Variants in ALX1 observed in about 807,000 individuals in gnomAD.
ALX1 encodes ALX homeobox 1.
A neutral mutation model predicts 31.7 loss-of-function variants in ALX1; 19 were observed. The ratio of observed to expected loss-of-function variants is 0.60; its 90% confidence interval spans 0.42 to 0.88. The LOEUF is 0.88. Ranked by LOEUF, ALX1 falls within the 40% of genes least tolerant of loss-of-function variation. The probability of loss-of-function intolerance (pLI) is 0.00; values close to 1 mark genes in which losing one functional copy is unlikely to be tolerated. For synonymous variants in ALX1, 153 were observed against 148.8 expected (o/e 1.03, Z -0.20); for missense variants, 415 against 407.8 (o/e 1.02, Z -0.15).
rs1401337036 is a variant in ALX1 at position 85,301,225 on chromosome 12, A to G, written c.731A>G (p.Asp244Gly). Reference sequence around the variant, plus strand: ...GTTACTTCATGCATGTTACCACGTGACACTTCCTCCTGTATGACACCTTAT... The same window carrying G: ...GTTACTTCATGCATGTTACCACGTGGCACTTCCTCCTGTATGACACCTTAT... ...SVVTSCMLPR[D>G]TSSCMTPYSH... Residue 244 changes from aspartate to glycine, a missense_variant, in exon 4 of 4, where the codon GAC (aspartate) becomes GGC (glycine). Around this residue, in one of 3 missense-constraint regions of ALX1, gnomAD observed 174 missense variants for 177.5 expected, o/e 0.98. Coordinates refer to ENST00000316824, the MANE Select transcript of ALX1 (RefSeq NM_006982.3). The G allele has an allele frequency of 1.2e-6, 2 of 1,614,038 alleles. No homozygotes were observed. Among genetic ancestry groups the G allele is most frequent in the Non-Finnish European group, 1.7e-6 (2 of 1,179,954 alleles).
intron 3 of ALX1, among the ~76,000 whole-genome samples, chr12:85,289,957 G>C (rs1341651056): frequency 6.6e-6 from 1 of 150,822 alleles, no homozygotes; most frequent in Non-Finnish European, 1.5e-5. Context: ...CATTGGATTT[G>C]GTGACTGTTA....
chr12:85,301,011 A>T, intron 3 of ALX1, 144 bp from the exon 4 acceptor site: 1 of 753,922 alleles, frequency 1.3e-6, no homozygotes, highest in Non-Finnish European at 2.2e-6. Flanking sequence ...ATTATTTTTT[A>T]GTCATTGTTG....
chr12:85,283,485 G>T (rs1896706481), intron 1 of ALX1, 87 bp from the exon 2 acceptor site: 2 of 1,386,858 alleles, frequency 1.4e-6, no homozygotes, highest in Non-Finnish European at 2.0e-6. Flanking sequence ...CCAATTTCTT[G>T]ATACTCTCAA....
In ALX1 at chr12:85,289,056, CTT is replaced by C. The variant is rs551226737; in HGVS notation, c.660+2080_660+2081del. ...ATTCCACAACACTTGACTATGACTA[CTT>C]TTTTGTGCATTTTATTCTTTCAGTC... On this transcript the variant is annotated intron_variant, in intron 3 of 3. Transcript: ENST00000316824. Among the ~76,000 whole-genome samples, 193 of 151,430 alleles carry C rather than the reference CTT, an allele frequency of 1.3e-3. 1 individual carries two copies. Among genetic ancestry groups the C allele is most frequent in the African/African-American group, 4.5e-3 (185 of 41,446 alleles).
At chr12:85,281,175 C>A (rs1896668523) in intron 1 of ALX1, among the ~76,000 whole-genome samples, 1 of 152,144 alleles carries the variant, frequency 6.6e-6, no homozygotes, top group Non-Finnish European at 1.5e-5. Flanking sequence ...CCGGCCTAAT[C>A]ACTCATTCCC....
intron 3 of ALX1, among the ~76,000 whole-genome samples, chr12:85,300,258 G>T (rs1192459256): frequency 6.6e-6 from 1 of 151,860 alleles, no homozygotes; most frequent in Non-Finnish European, 1.5e-5. Flanking sequence ...AGATAAATTT[G>T]TACTTGTTAA....
At chr12:85,296,222 T>C (rs779530457) in intron 3 of ALX1, among the ~76,000 whole-genome samples, 1 of 151,460 alleles carries the variant, frequency 6.6e-6, no homozygotes, top group Non-Finnish European at 1.5e-5. Flanking sequence ...AGGTAAAAAA[T>C]AAATAATTTT....
chr12:85,284,455 A>G (rs1466553703), intron 2 of ALX1, among the ~76,000 whole-genome samples: 1 of 152,070 alleles, frequency 6.6e-6, no homozygotes, highest in Non-Finnish European at 1.5e-5. Flanking sequence ...TTATAGTCCT[A>G]GTAGTTGTCA....
chr12:85,286,597 G>T (rs1427967133), intron 2 of ALX1, among the ~76,000 whole-genome samples: 1 of 151,860 alleles, frequency 6.6e-6, no homozygotes, highest in Non-Finnish European at 1.5e-5. Context: ...GAAAACAGAG[G>T]CTCAGACGTA....
chr12:85,295,960 T>C (rs1335290040), intron 3 of ALX1, among the ~76,000 whole-genome samples: 1 of 151,668 alleles, frequency 6.6e-6, no homozygotes, highest in Non-Finnish European at 1.5e-5. Flanking sequence ...TTCTTCTAAA[T>C]AGCACTAATA....
intron 3 of ALX1, among the ~76,000 whole-genome samples, chr12:85,289,379 ATAT>A (rs1896788036): frequency 6.6e-6 from 1 of 151,244 alleles, no homozygotes; most frequent in African/African-American, 2.4e-5. Context: ...AAAGCTTTAT[ATAT>A]TATTAATTAA....
chr12:85,283,132 A>G (rs1158810854), intron 1 of ALX1, among the ~76,000 whole-genome samples: 17 of 152,212 alleles, frequency 1.1e-4, no homozygotes, highest in Admixed American at 1.1e-3. Flanking sequence ...GTACAGAGGT[A>G]TTATTTAAGA....
At chr12:85,284,502 A>G (rs561941168) in intron 2 of ALX1, among the ~76,000 whole-genome samples, 1 of 152,266 alleles carries the variant, frequency 6.6e-6, no homozygotes, top group Admixed American at 6.5e-5. Flanking sequence ...TAAAGTCTAG[A>G]TAAATCATAT....
At chr12:85,283,491 C>G (rs1896706670) in intron 1 of ALX1, 81 bp from the exon 2 acceptor site, 2 of 1,442,506 alleles carry the variant, frequency 1.4e-6, no homozygotes, top group Non-Finnish European at 9.7e-7. Flanking sequence ...TCTTGATACT[C>G]TCAATTACTT....
chr12:85,292,486 C>A (rs546804633), intron 3 of ALX1, among the ~76,000 whole-genome samples: 4 of 150,872 alleles, frequency 2.7e-5, no homozygotes, highest in African/African-American at 4.8e-5. Context: ...TCTTGTCTTC[C>A]GTTGTATTAT....
intron 1 of ALX1, among the ~76,000 whole-genome samples, chr12:85,282,258 T>C (rs988844868): frequency 5.3e-5 from 8 of 152,108 alleles, no homozygotes; most frequent in Non-Finnish European, 1.2e-4. Flanking sequence ...TATATATATA[T>C]AGACAAATTA....
chr12:85,283,290 A>C (rs1057195520), intron 1 of ALX1, among the ~76,000 whole-genome samples: 2 of 152,208 alleles, frequency 1.3e-5, no homozygotes, highest in Non-Finnish European at 2.9e-5. Context: ...TAATTCGAGT[A>C]CATGAATTTA....
rs116431888 is a variant in ALX1, at chr12:85,301,222, G to A, written c.728G>A (p.Arg243His). ...GTGGTTACTTCATGCATGTTACCAC[G>A]TGACACTTCCTCCTGTATGACACCT... ...GSVVTSCMLPRDTSSCMTPYS... is the reference protein window; with the variant it reads ...GSVVTSCMLPHDTSSCMTPYS... Residue 243 changes from arginine (R) to histidine (H), a missense_variant, in exon 4 of 4, where the codon CGT becomes CAT. Transcript: ENST00000316824. The A allele has an allele frequency of 8.1e-6, 13 of 1,613,982 alleles. No individual in the cohort carries two copies. In the East Asian group the frequency reaches 1.8e-4, roughly 22 times the overall value.
intron 2 of ALX1, among the ~76,000 whole-genome samples, chr12:85,284,561 G>A (rs1234310804): frequency 6.6e-6 from 1 of 151,956 alleles, no homozygotes; most frequent in East Asian, 1.9e-4. Flanking sequence ...AAATTTTTGT[G>A]TATACTCAAT....
Sources: allele counts gnomAD v4.1 joint callset (sites outside exome capture counted in the v4.1 genomes callset), GRCh38; gene constraint gnomAD v4.1.1; regional missense constraint gnomAD v4.1.1; transcripts MANE v1.5; gene names NCBI Gene and HGNC (gene_info 2026-07-23, HGNC 2026-07-21).